The following POLK variants were observed in gnomAD, a reference collection of about 807,000 sequenced individuals.
POLK encodes the protein DNA polymerase kappa.
Under a neutral mutation model 94.0 loss-of-function variants are expected in POLK, and 76 were observed. The ratio of observed to expected loss-of-function variants is 0.81; its 90% confidence interval spans 0.67 to 0.98. The LOEUF is 0.98. Among genes scored for constraint, POLK ranks in the 50% least tolerant of loss-of-function variants. The pLI is 0.00. For missense variants in POLK, 954 were observed against 1,010.1 expected (o/e 0.94, Z 0.75); for synonymous variants, 349 against 325.4 (o/e 1.07, Z -0.78).
chr5:75,539,083 T>G (rs1298401919), intron 1 of POLK, among the ~76,000 whole-genome samples: 1 of 152,210 alleles, frequency 6.6e-6, no homozygotes, highest in Non-Finnish European at 1.5e-5. Flanking sequence ...TTTAAGTGTA[T>G]TTTTATAGCA....
chr5:75,588,085 CAA>C (rs1337401215), intron 10 of POLK, among the ~76,000 whole-genome samples: 3 of 150,972 alleles, frequency 2.0e-5, no homozygotes, highest in African/African-American at 2.4e-5. Flanking sequence ...TGAAAGCAAT[CAA>C]AGAGAGAGAG....
exon 15 of POLK, chr5:75,598,319 A>G (rs886381381): frequency 6.1e-6 from 1 of 163,468 alleles, no homozygotes; most frequent in African/African-American, 2.4e-5. Flanking sequence ...TATACTGAAT[A>G]TAAAAACATT....
chr5:75,550,709 A>G (rs2112654449), intron 2 of POLK, among the ~76,000 whole-genome samples: 1 of 152,302 alleles, frequency 6.6e-6, no homozygotes, highest in Non-Finnish European at 1.5e-5. Flanking sequence ...AAATCCCACC[A>G]CTATTCATGC....
chr5:75,539,127 G>GT (rs1561348744), intron 1 of POLK, among the ~76,000 whole-genome samples: 3 of 152,152 alleles, frequency 2.0e-5, no homozygotes. Flanking sequence ...TGGACTGTCA[G>GT]TATTTTAAAA....
chr5:75,544,014 T>C (rs1769882839), intron 1 of POLK, among the ~76,000 whole-genome samples: 1 of 152,128 alleles, frequency 6.6e-6, no homozygotes, highest in Non-Finnish European at 1.5e-5. Context: ...TTTACTTTTA[T>C]TTTTGTAGAC....
intron 2 of POLK, among the ~76,000 whole-genome samples, chr5:75,547,925 T>A (rs1295305225): frequency 6.6e-6 from 1 of 152,164 alleles, no homozygotes; most frequent in Non-Finnish European, 1.5e-5. Context: ...AAAATTAGTT[T>A]CATATCTTTT....
At chr5:75,600,654 A>T (rs1010016329) in exon 15 of POLK, 4 of 152,216 alleles carry the variant, frequency 2.6e-5, no homozygotes, top group African/African-American at 9.6e-5. Flanking sequence ...CCAAATATTC[A>T]GCAATGGTAG....
At chr5:75,552,326 A>C in intron 2 of POLK, 146 bp from the exon 3 acceptor site, 1 of 605,626 alleles carries the variant, frequency 1.7e-6, no homozygotes, top group Non-Finnish European at 2.8e-6. Context: ...AAATAATTTT[A>C]GGGTCACCTA....
intron 11 of POLK, among the ~76,000 whole-genome samples, chr5:75,592,645 A>G (rs1772847255): frequency 1.3e-5 from 2 of 151,386 alleles, no homozygotes; most frequent in East Asian, 3.9e-4. Context: ...CAGTGAGCCA[A>G]GATCCCGCCA....
chr5:75,515,037 C>T (rs1768257553), intron 1 of POLK, among the ~76,000 whole-genome samples: 1 of 152,102 alleles, frequency 6.6e-6, no homozygotes, highest in South Asian at 2.1e-4. Flanking sequence ...GGTGCAGTAA[C>T]ATATAGCCAG....
chr5:75,590,849 C>G (rs1772746147), intron 11 of POLK, among the ~76,000 whole-genome samples: 1 of 152,102 alleles, frequency 6.6e-6, no homozygotes, highest in African/African-American at 2.4e-5. Flanking sequence ...AGACAATGAC[C>G]TTCTAAAATA....
intron 10 of POLK, among the ~76,000 whole-genome samples, 167 bp downstream of exon 10, chr5:75,587,225 A>G (rs1242220821): frequency 6.6e-6 from 1 of 152,194 alleles, no homozygotes; most frequent in East Asian, 1.9e-4. Flanking sequence ...GTATAAGACT[A>G]TTATTTTCAG....
At chr5:75,523,591 G>A (rs1768688268) in intron 1 of POLK, among the ~76,000 whole-genome samples, 1 of 152,190 alleles carries the variant, frequency 6.6e-6, no homozygotes, top group African/African-American at 2.4e-5. Flanking sequence ...ACTGTGGAAT[G>A]AGAACCCAAA....
intron 7 of POLK, chr5:75,581,692 T>C (rs1772201575): frequency 1.0e-5 from 4 of 384,692 alleles, no homozygotes; most frequent in South Asian, 8.4e-5. Context: ...TTTTTTTTTT[T>C]TGAGATGGAG....
At chr5:75,592,426 T>G (rs987172733) in intron 11 of POLK, among the ~76,000 whole-genome samples, 1 of 152,198 alleles carries the variant, frequency 6.6e-6, no homozygotes, top group South Asian at 2.1e-4. Flanking sequence ...AAAAATTCAG[T>G]TGGGGGGCCA....
exon 7 of POLK, chr5:75,581,379 T>C (rs1284445884): frequency 6.2e-7 from 1 of 1,613,408 alleles, no homozygotes; most frequent in Non-Finnish European, 8.5e-7. Context: ...TTTTGGAACA[T>C]CAGCCCAGGA....
intron 11 of POLK, among the ~76,000 whole-genome samples, chr5:75,590,661 T>C (rs1208101209): frequency 1.3e-5 from 2 of 152,160 alleles, no homozygotes; most frequent in Admixed American, 6.5e-5. Context: ...CTTATGAGAA[T>C]AGAGTGGTTC....
intron 3 of POLK, among the ~76,000 whole-genome samples, chr5:75,555,737 C>T (rs566399562): frequency 1.2e-4 from 19 of 152,106 alleles, no homozygotes; most frequent in Admixed American, 3.9e-4. Context: ...TTAGTAGAGA[C>T]GGGGTTTCAC....
chr5:75,567,608 T>A (rs1356611857), intron 3 of POLK, among the ~76,000 whole-genome samples: 2 of 152,194 alleles, frequency 1.3e-5, no homozygotes, highest in Non-Finnish European at 1.5e-5. Flanking sequence ...GTCTCTCTTG[T>A]GAGAAAATAA....
Sources: allele counts gnomAD v4.1 joint callset (sites outside exome capture counted in the v4.1 genomes callset), GRCh38; gene constraint gnomAD v4.1.1; transcripts MANE v1.5; gene names NCBI Gene and HGNC (gene_info 2026-07-23, HGNC 2026-07-21).